GRID2: variants seen among roughly 807,000 people sequenced by gnomAD.
GRID2 encodes glutamate ionotropic receptor delta type subunit 2, also known as glutamate receptor ionotropic, delta-2.
In GRID2, 33 loss-of-function variants were observed where a neutral mutation model predicts 114.8. The observed-to-expected ratio is 0.29, with a 90% confidence interval of 0.22 to 0.38. The LOEUF is 0.38. Among genes scored for constraint, GRID2 ranks in the 10% least tolerant of loss-of-function variants. The pLI is 1.00. For missense variants in GRID2, 1,184 were observed against 1,257.7 expected (o/e 0.94, Z 0.89); for synonymous variants, 505 against 449.9 (o/e 1.12, Z -1.55).
chr4:93,638,327 C>CTTTTT (rs1721617901), intron 14 of GRID2, among the ~76,000 whole-genome samples: 1 of 44,212 alleles, frequency 2.3e-5, no homozygotes, highest in Non-Finnish European at 4.3e-5. Context: ...TTTAATTATA[C>CTTTTT]TCTAAGTTTT....
intron 2 of GRID2, among the ~76,000 whole-genome samples, chr4:93,072,453 C>A (rs1300388416): frequency 2.0e-5 from 3 of 152,040 alleles, no homozygotes; most frequent in Non-Finnish European, 2.9e-5. Context: ...TATTGAAGTA[C>A]TCTTCCAGCA....
At chr4:93,012,315 AC>A (rs1458812152) in intron 2 of GRID2, among the ~76,000 whole-genome samples, 2 of 151,934 alleles carry the variant, frequency 1.3e-5, no homozygotes, top group African/African-American at 4.8e-5. Context: ...TTTAGTCAAA[AC>A]TGCAGATTCA....
chr4:93,316,389 A>AAAGAAAG (rs200779746), intron 8 of GRID2, among the ~76,000 whole-genome samples: 2 of 71,394 alleles, frequency 2.8e-5, no homozygotes, highest in African/African-American at 1.3e-4. Context: ...GAAAGAATAG[A>AAAGAAAG]AAAGGAAGGA....
chr4:93,690,261 C>T (rs72873091), intron 14 of GRID2, among the ~76,000 whole-genome samples: 7,590 of 151,982 alleles, frequency 0.05, 619 homozygotes, highest in African/African-American at 0.17. Flanking sequence ...CAAACAAATG[C>T]TAGGCTATAA....
intron 2 of GRID2, among the ~76,000 whole-genome samples, chr4:92,744,868 T>G (rs1737070064): frequency 6.6e-6 from 1 of 152,200 alleles, no homozygotes; most frequent in Non-Finnish European, 1.5e-5. Flanking sequence ...ATGAATTCTT[T>G]AAGATTTCTG....
intron 13 of GRID2, among the ~76,000 whole-genome samples, chr4:93,578,959 A>C (rs1283902939): frequency 6.6e-6 from 1 of 151,996 alleles, no homozygotes; most frequent in African/African-American, 2.4e-5. Flanking sequence ...ATATCTGTAT[A>C]CTCATTGATT....
At chr4:93,679,810 C>A (rs2110087158) in intron 14 of GRID2, among the ~76,000 whole-genome samples, 1 of 150,468 alleles carries the variant, frequency 6.6e-6, no homozygotes, top group East Asian at 1.9e-4. Context: ...CACTAAATGC[C>A]CACAAGAGAA....
intron 1 of GRID2, among the ~76,000 whole-genome samples, chr4:92,364,111 A>G (rs1728743322): frequency 6.6e-6 from 1 of 152,026 alleles, no homozygotes; most frequent in Admixed American, 6.6e-5. Flanking sequence ...TAAATATCAA[A>G]TTATAAAAAA....
intron 2 of GRID2, among the ~76,000 whole-genome samples, chr4:92,682,369 C>T (rs775353067): frequency 1.3e-5 from 2 of 152,190 alleles, no homozygotes; most frequent in East Asian, 1.9e-4. Flanking sequence ...CTGTATGGTC[C>T]GTAGACCAGC....
chr4:92,666,717 T>C (rs551029609), intron 2 of GRID2, among the ~76,000 whole-genome samples: 65 of 146,516 alleles, frequency 4.4e-4, no homozygotes, highest in African/African-American at 1.5e-3. Context: ...TCCTGAAAAC[T>C]TTCTAATTTT....
chr4:92,837,243 T>G (rs1168727419), intron 2 of GRID2, among the ~76,000 whole-genome samples: 1 of 152,026 alleles, frequency 6.6e-6, no homozygotes, highest in Non-Finnish European at 1.5e-5. Flanking sequence ...TCTGCTGAGT[T>G]TCAGTTCTTT....
intron 4 of GRID2, among the ~76,000 whole-genome samples, chr4:93,183,431 T>C (rs1282937783): frequency 1.3e-5 from 2 of 152,190 alleles, no homozygotes; most frequent in South Asian, 2.1e-4. Context: ...CCTCAATCAA[T>C]AGATGTTTCA....
At chr4:92,449,796 T>G (rs538717721) in intron 1 of GRID2, among the ~76,000 whole-genome samples, 1 of 150,506 alleles carries the variant, frequency 6.6e-6, no homozygotes, top group East Asian at 2.0e-4. Flanking sequence ...TTATATTTAA[T>G]TTTTAAGTCA....
intron 1 of GRID2, among the ~76,000 whole-genome samples, chr4:92,462,200 A>G (rs1444391963): frequency 2.6e-5 from 4 of 152,080 alleles, no homozygotes; most frequent in East Asian, 1.9e-4. Context: ...ACAACTTACT[A>G]TTCTCACATC....
intron 14 of GRID2, among the ~76,000 whole-genome samples, chr4:93,685,878 T>C (rs1044059605): frequency 6.6e-6 from 1 of 151,992 alleles, no homozygotes; most frequent in Non-Finnish European, 1.5e-5. Flanking sequence ...TTTGAACAAA[T>C]TGTCCTTAAT....
chr4:92,445,008 T>C (rs1733374240), intron 1 of GRID2, among the ~76,000 whole-genome samples: 2 of 152,186 alleles, frequency 1.3e-5, no homozygotes, highest in Admixed American at 1.3e-4. Context: ...TTTTGGGTAT[T>C]AGGCAACTGT....
At position 93,788,055 on chromosome 4, in the gene GRID2, G is replaced by A. The variant is rs544592751; in HGVS notation, c.221+18605G>A. ...CCTAAGGCTGGGCGCGGTGGCTCAC[G>A]TCTGTAATCCCAGCACTTTAGGAGG... On this transcript the variant is annotated intron_variant, in intron 1 of 1. Transcript: ENST00000637838. Among the ~76,000 whole-genome samples the A allele has an allele frequency of 3.3e-5, 5 of 152,254 alleles. 1 individual carries two copies. The highest frequency in any genetic ancestry group is 4.1e-4 in the South Asian group (2 of 4,820).
Position 92,365,653 on chromosome 4 carries a change from C to T in GRID2, c.88+60909C>T, listed in dbSNP as rs77973837. ...AACTAAGAAGAAAGTAAATTTCAAA[C>T]GTCTTACCACAGAAACTGAGTGATG... is the stretch of plus-strand genomic sequence containing the variant. On this transcript the variant is annotated intron_variant, in intron 1 of 15. Coordinates refer to ENST00000282020, the MANE Select transcript of GRID2 (RefSeq NM_001510.4). Among the ~76,000 whole-genome samples the T allele has an allele frequency of 8.8e-4, 134 of 152,058 alleles. No homozygotes were observed. The East Asian group carries it at 0.021, about 24-fold the overall frequency.
intron 2 of GRID2, among the ~76,000 whole-genome samples, chr4:92,732,237 C>T (rs1244518789): frequency 1.3e-5 from 2 of 151,790 alleles, no homozygotes; most frequent in African/African-American, 4.8e-5. Context: ...AGTGTTCTGT[C>T]ATTGTGTGTA....
Sources: gnomAD v4.1 joint callset for allele counts (sites outside exome capture counted in the v4.1 genomes callset) on GRCh38, gnomAD v4.1.1 for gene constraint, MANE v1.5 for transcripts, NCBI Gene and HGNC (gene_info 2026-07-23, HGNC 2026-07-21) for gene names.